GUCY2C: variants seen among roughly 807,000 people sequenced by gnomAD.
GUCY2C encodes guanylate cyclase 2C, also known as guanylyl cyclase C.
In GUCY2C, 118 loss-of-function variants were observed where a neutral mutation model predicts 131.1. That is an observed-to-expected ratio of 0.90 (90% CI 0.78 to 1.05). The LOEUF (loss-of-function observed/expected upper bound fraction) is 1.05, where lower values mean the gene tolerates loss of function less well. GUCY2C is among the 50% of genes least tolerant of loss of function. The probability of loss-of-function intolerance (pLI) is 0.00; values close to 1 mark genes in which losing one functional copy is unlikely to be tolerated. For synonymous variants in GUCY2C, 452 were observed against 457.8 expected, an observed-to-expected ratio of 0.99 and a Z score of 0.16; for missense variants, 1,161 against 1,304.4, an observed-to-expected ratio of 0.89 and a Z score of 1.69.
chr12:14,679,550 C>T, intron 6 of GUCY2C, 107 bp downstream of exon 6: 2 of 658,282 alleles, frequency 3.0e-6, no homozygotes, highest in East Asian at 2.7e-5. Flanking sequence ...CATACTTAAC[C>T]CCATAAGGGG....
intron 10 of GUCY2C, among the ~76,000 whole-genome samples, chr12:14,668,936 C>T (rs1488397527): frequency 1.3e-5 from 2 of 152,106 alleles, no homozygotes; most frequent in East Asian, 3.9e-4. Flanking sequence ...AAATATGTGT[C>T]CAGTATGGGA....
At chr12:14,680,829 A>G (rs555517206) in intron 5 of GUCY2C, among the ~76,000 whole-genome samples, 2 of 152,260 alleles carry the variant, frequency 1.3e-5, no homozygotes, top group Admixed American at 6.5e-5. Context: ...TTTATATCCA[A>G]TTAGGCTTTC....
Position 14,642,744 on chromosome 12 carries a change from C to G in GUCY2C, c.1930+830G>C, listed in dbSNP as rs181575736. On this transcript the variant is annotated intron_variant, in intron 17 of 26. Transcript: ENST00000261170. ...CTAGGTTATCTGATGACGATTTGTACTACTATGTCATGAACCAGGCTTGGC... is the reference window on the plus strand; with the variant it reads ...CTAGGTTATCTGATGACGATTTGTAGTACTATGTCATGAACCAGGCTTGGC... 5.6e-4 allele frequency among the ~76,000 whole-genome samples: 86 copies of G among 152,242 alleles called. 1 individual carries two copies. Among genetic ancestry groups the G allele is most frequent in the Admixed American group, 5.6e-3 (86 of 15,294 alleles).
intron 1 of GUCY2C, 30 bp from the exon 2 acceptor site, chr12:14,688,093 C>T (rs1445923338): frequency 1.5e-6 from 2 of 1,290,694 alleles, no homozygotes; most frequent in African/African-American, 2.9e-5. Context: ...GAAAATAGAA[C>T]ACTAGTGTTA....
intron 24 of GUCY2C, among the ~76,000 whole-genome samples, chr12:14,617,983 A>G (rs1017594695): frequency 1.3e-5 from 2 of 152,144 alleles, no homozygotes; most frequent in East Asian, 3.9e-4. Context: ...ACAAACTAGT[A>G]TCACATTGTC....
intron 10 of GUCY2C, among the ~76,000 whole-genome samples, chr12:14,665,069 G>T (rs181682741): frequency 6.6e-6 from 1 of 151,972 alleles, no homozygotes; most frequent in African/African-American, 2.4e-5. Flanking sequence ...AAAATTAGCC[G>T]GCCGCGGTGG....
At position 14,683,022 on chromosome 12, in the gene GUCY2C, A is replaced by G; in HGVS notation, c.611+20T>C. On this transcript the variant is annotated intron_variant, in intron 4 of 26. Transcript: ENST00000261170. ...TCTCTCCATGGCAAGTGCTAGTGAA[A>G]TATTAATGATCCTGCTTACCAGAAA... 1 of 1,544,690 alleles carries G rather than the reference A, an allele frequency of 6.5e-7. No individual in the cohort carries two copies. The highest frequency in any genetic ancestry group is 9.0e-7 in the Non-Finnish European group (1 of 1,117,270).
intron 20 of GUCY2C, among the ~76,000 whole-genome samples, chr12:14,628,105 T>A (rs74383216): frequency 0.03 from 4,637 of 152,312 alleles, 259 homozygotes; most frequent in African/African-American, 0.11. Context: ...TAATTCAGTG[T>A]TATTTTTCTC....
chr12:14,651,220 A>T (rs1360439582), intron 15 of GUCY2C, among the ~76,000 whole-genome samples, 187 bp downstream of exon 15: 2 of 151,682 alleles, frequency 1.3e-5, no homozygotes, highest in African/African-American at 2.4e-5. Context: ...TTTTCCTGAA[A>T]TTTTTTTTGC....
chr12:14,618,854 A>G (rs1946832749), intron 24 of GUCY2C, among the ~76,000 whole-genome samples: 1 of 152,078 alleles, frequency 6.6e-6, no homozygotes, highest in African/African-American at 2.4e-5. Context: ...AGGAATGTGA[A>G]CCAGAGTGTG....
chr12:14,629,277 C>T (rs192260297), intron 19 of GUCY2C, among the ~76,000 whole-genome samples: 5 of 152,144 alleles, frequency 3.3e-5, no homozygotes, highest in Admixed American at 3.3e-4. Flanking sequence ...TCTGAAGAAA[C>T]TCCCCAGGCC....
chr12:14,642,483 T>C (rs1361971384), intron 17 of GUCY2C, among the ~76,000 whole-genome samples: 1 of 152,232 alleles, frequency 6.6e-6, no homozygotes, highest in Non-Finnish European at 1.5e-5. Context: ...TGATGCACAC[T>C]TTCCTTATTT....
chr12:14,662,075 C>T (rs963878444), intron 10 of GUCY2C, among the ~76,000 whole-genome samples: 1 of 151,860 alleles, frequency 6.6e-6, no homozygotes, highest in South Asian at 2.1e-4. Flanking sequence ...TCATATATGC[C>T]GCAATGAATT....
intron 10 of GUCY2C, among the ~76,000 whole-genome samples, chr12:14,668,449 G>T (rs1441932613): frequency 6.6e-6 from 1 of 151,356 alleles, no homozygotes; most frequent in Non-Finnish European, 1.5e-5. Context: ...GATTACAGGC[G>T]TGAGCCACCA....
intron 16 of GUCY2C, among the ~76,000 whole-genome samples, chr12:14,644,141 G>C (rs1194231842): frequency 1.3e-5 from 2 of 152,158 alleles, no homozygotes; most frequent in Non-Finnish European, 2.9e-5. Flanking sequence ...TCCTAAAGTG[G>C]AAGTGGTTTC....
At chr12:14,625,076 C>A (rs566059874) in intron 21 of GUCY2C, among the ~76,000 whole-genome samples, 7 of 152,326 alleles carry the variant, frequency 4.6e-5, no homozygotes, top group African/African-American at 1.2e-4. Flanking sequence ...CCTTCTATCA[C>A]AAGGTTGCAA....
At chr12:14,693,692 CTG>C (rs1491572177) in intron 1 of GUCY2C, among the ~76,000 whole-genome samples, 1 of 152,178 alleles carries the variant, frequency 6.6e-6, no homozygotes, top group Non-Finnish European at 1.5e-5. Context: ...ATGTAAAAGT[CTG>C]GGCATCACAG....
intron 22 of GUCY2C, 60 bp downstream of exon 22, chr12:14,621,945 G>T: frequency 1.7e-6 from 2 of 1,178,960 alleles, no homozygotes; most frequent in Non-Finnish European, 2.4e-6. Context: ...AACCAATTCA[G>T]GCTCTGATGA....
rs1238942744 is a variant in GUCY2C at position 14,643,669 on chromosome 12, T to G, written c.1835A>C (p.His612Pro). The G allele has an allele frequency of 6.2e-7, 1 of 1,613,380 alleles. No homozygotes were observed. Among genetic ancestry groups the G allele is most frequent in the South Asian group, 1.1e-5 (1 of 91,082 alleles). Reference sequence around the variant, plus strand: ...GCAGTTGGTAGATTTCAGACGACCATGGACTTCTGTCTTACTGGAGTGCAG... The same window carrying G: ...GCAGTTGGTAGATTTCAGACGACCAGGGACTTCTGTCTTACTGGAGTGCAG... ...SYLHSSKTEV[H>P]GRLKSTNCVV... The change falls in exon 17 of 27, where the codon CAT becomes CCT. Residue 612 changes from histidine to proline, a missense_variant. By Grantham distance (77) the His-to-Pro change is moderately conservative. Coordinates refer to ENST00000261170, the MANE Select transcript of GUCY2C (RefSeq NM_004963.4).
Sources: gnomAD v4.1 joint callset for allele counts (sites outside exome capture counted in the v4.1 genomes callset) on GRCh38, gnomAD v4.1.1 for gene constraint, MANE v1.5 for transcripts, NCBI Gene and HGNC (gene_info 2026-07-23, HGNC 2026-07-21) for gene names.